Variants in PRKCE observed in about 807,000 individuals in gnomAD.
The protein encoded by PRKCE is protein kinase C epsilon.
A neutral mutation model predicts 85.4 loss-of-function variants in PRKCE; 16 were observed. The ratio of observed to expected loss-of-function variants is 0.19; its 90% CI spans 0.13 to 0.28. The LOEUF (loss-of-function observed/expected upper bound fraction) is 0.28. Ranked by LOEUF, PRKCE falls within the 10% of genes least tolerant of loss-of-function variation. PRKCE has a pLI of 1.00. For synonymous variants in PRKCE, 388 were observed against 371.5 expected, an observed-to-expected ratio of 1.04 and a Z score of -0.51; for missense variants, 573 against 975.2, an observed-to-expected ratio of 0.59 and a Z score of 5.49.
chr2:45,858,869 C>T (rs930923134), intron 2 of PRKCE, among the ~76,000 whole-genome samples: 1 of 151,698 alleles, frequency 6.6e-6, no homozygotes, highest in Non-Finnish European at 1.5e-5. Flanking sequence ...GGTGAAACCC[C>T]ACCTCTACTA....
chr2:46,114,808 A>G (rs1672613747), intron 11 of PRKCE, among the ~76,000 whole-genome samples: 1 of 152,176 alleles, frequency 6.6e-6, no homozygotes, highest in Non-Finnish European at 1.5e-5. Flanking sequence ...GAATTCTAAT[A>G]TACTGATGTG....
intron 1 of PRKCE, among the ~76,000 whole-genome samples, chr2:45,732,571 T>A (rs72884492): frequency 6.6e-6 from 1 of 152,182 alleles, no homozygotes; most frequent in Non-Finnish European, 1.5e-5. Context: ...TGGGCAGTAG[T>A]AGTAGTGGTA....
intron 2 of PRKCE, among the ~76,000 whole-genome samples, chr2:45,891,169 G>A (rs868137930): frequency 2.0e-5 from 3 of 152,166 alleles, no homozygotes; most frequent in Non-Finnish European, 2.9e-5. Flanking sequence ...AGATTTACCC[G>A]ACACACACTG....
At chr2:46,056,398 A>G (rs1666584955) in intron 10 of PRKCE, among the ~76,000 whole-genome samples, 1 of 152,152 alleles carries the variant, frequency 6.6e-6, no homozygotes, top group Non-Finnish European at 1.5e-5. Flanking sequence ...CTGTGAGCTA[A>G]GCATACAGTA....
chr2:46,012,481 G>A (rs1705768414), intron 10 of PRKCE, among the ~76,000 whole-genome samples: 2 of 152,086 alleles, frequency 1.3e-5, no homozygotes, highest in Admixed American at 6.5e-5. Flanking sequence ...CTAGTTTCTT[G>A]TGCCTGATCC....
chr2:45,881,170 A>T (rs1006324448), intron 2 of PRKCE, among the ~76,000 whole-genome samples: 1 of 151,818 alleles, frequency 6.6e-6, no homozygotes, highest in Non-Finnish European at 1.5e-5. Context: ...AAAAAAAAAA[A>T]AGATTTCAGG....
chr2:45,928,464 T>G (rs114256032), intron 2 of PRKCE, among the ~76,000 whole-genome samples: 4,676 of 152,262 alleles, frequency 0.031, 124 homozygotes, highest in East Asian at 0.12. Flanking sequence ...AGATGGGGTT[T>G]CGTCATGTTG....
chr2:45,993,751 G>A (rs1479028354), intron 6 of PRKCE, among the ~76,000 whole-genome samples: 1 of 152,102 alleles, frequency 6.6e-6, no homozygotes, highest in Non-Finnish European at 1.5e-5. Flanking sequence ...AGCATCAAAG[G>A]GCAGCTGATG....
chr2:45,852,577 G>C (rs1053954011), intron 2 of PRKCE, among the ~76,000 whole-genome samples: 1 of 152,160 alleles, frequency 6.6e-6, no homozygotes, highest in Non-Finnish European at 1.5e-5. Context: ...CCAGCAACAA[G>C]TCATTTACTC....
At chr2:45,888,128 T>C (rs558221890) in intron 2 of PRKCE, among the ~76,000 whole-genome samples, 2 of 152,270 alleles carry the variant, frequency 1.3e-5, no homozygotes, top group East Asian at 1.9e-4. Context: ...TTTTGGGGAA[T>C]GTGTGTGTGG....
chr2:45,838,738 A>G lies in PRKCE; in HGVS notation c.349-4262A>G, dbSNP rs558254974. On this transcript the variant is annotated intron_variant, in intron 1 of 14. Coordinates refer to ENST00000306156, the MANE Select transcript of PRKCE (RefSeq NM_005400.3). ...AGCAATCCTCCTGCCTCTGCCTCCCAAGTAGCTGGGACTACAGCTGCCTGC... is the reference window on the plus strand; with the variant it reads ...AGCAATCCTCCTGCCTCTGCCTCCCGAGTAGCTGGGACTACAGCTGCCTGC... Among the ~76,000 whole-genome samples the G allele has an allele frequency of 1.9e-4, 29 of 152,198 alleles. No homozygotes were observed. In the South Asian group the frequency reaches 5.4e-3, roughly 28 times the overall value.
At chr2:45,964,157 G>A (rs920626727) in intron 2 of PRKCE, among the ~76,000 whole-genome samples, 2 of 152,164 alleles carry the variant, frequency 1.3e-5, no homozygotes, top group East Asian at 1.9e-4. Flanking sequence ...TTGTTCGAGG[G>A]AGGAATGTCC....
At chr2:45,784,955 G>T (rs1194172123) in intron 1 of PRKCE, among the ~76,000 whole-genome samples, 1 of 152,064 alleles carries the variant, frequency 6.6e-6, no homozygotes, top group Non-Finnish European at 1.5e-5. Flanking sequence ...AAATATAAAG[G>T]TATTTCTTAT....
intron 8 of PRKCE, 32 bp from the exon 9 acceptor site, chr2:46,007,430 C>T (rs540871496): frequency 1.3e-6 from 2 of 1,595,874 alleles, no homozygotes; most frequent in Non-Finnish European, 8.5e-7. Flanking sequence ...GAGGTATGCA[C>T]TAATGCAATT....
chr2:45,898,766 T>G (rs953714917), intron 2 of PRKCE, among the ~76,000 whole-genome samples: 15 of 152,162 alleles, frequency 9.9e-5, no homozygotes, highest in Non-Finnish European at 1.6e-4. Flanking sequence ...AGATCAGGAT[T>G]TCCTAGGGTG....
At chr2:45,853,197 G>A (rs755758511) in intron 2 of PRKCE, among the ~76,000 whole-genome samples, 9 of 152,144 alleles carry the variant, frequency 5.9e-5, no homozygotes, top group East Asian at 1.9e-4. Context: ...GAGTTGAGAA[G>A]GCATCAGTGT....
At chr2:45,680,707 A>G (rs1477469563) in intron 1 of PRKCE, among the ~76,000 whole-genome samples, 2 of 152,240 alleles carry the variant, frequency 1.3e-5, no homozygotes, top group Non-Finnish European at 2.9e-5. Flanking sequence ...CTTTTTAACA[A>G]ATGCACCTAT....
chr2:45,980,278 T>C lies in PRKCE; in HGVS notation c.608-18T>C. 6.3e-7 allele frequency: 1 copy of C among 1,599,012 alleles called. No individual in the cohort carries two copies. Among genetic ancestry groups the C allele is most frequent in the Non-Finnish European group, 8.5e-7 (1 of 1,179,342 alleles). On this transcript the variant is annotated intron_variant, in intron 4 of 14. Coordinates refer to ENST00000306156, the MANE Select transcript of PRKCE (RefSeq NM_005400.3). Reference sequence around the variant, plus strand: ...TTTCCTGAGTGTCATTCAGCCTTCCTGTCTTTGCTATTTGCAGTCTGCACC... The same window carrying C: ...TTTCCTGAGTGTCATTCAGCCTTCCCGTCTTTGCTATTTGCAGTCTGCACC...
intron 2 of PRKCE, among the ~76,000 whole-genome samples, chr2:45,943,897 ATTGT>A (rs1277242858): frequency 2.0e-5 from 3 of 152,162 alleles, no homozygotes; most frequent in Admixed American, 1.3e-4. Context: ...TCAACGCAGG[ATTGT>A]TTAAGTTGTT....
Sources: allele counts gnomAD v4.1 joint callset (sites outside exome capture counted in the v4.1 genomes callset), GRCh38; gene constraint gnomAD v4.1.1; transcripts MANE v1.5; gene names NCBI Gene and HGNC (gene_info 2026-07-23, HGNC 2026-07-21).